The following PSEN1 variants were observed in gnomAD, a reference collection of about 807,000 sequenced individuals.
PSEN1 encodes the protein presenilin-1.
PSEN1 carries 15 observed loss-of-function variants against 53.5 expected under a neutral mutation model. The observed-to-expected ratio is 0.28, with a 90% CI of 0.19 to 0.43. PSEN1 has a LOEUF of 0.43. Ranked by LOEUF, PSEN1 falls within the 20% of genes least tolerant of loss-of-function variation. The probability of loss-of-function intolerance (pLI) is 1.00; values close to 1 mark genes in which losing one functional copy is unlikely to be tolerated. For missense variants in PSEN1, 387 were observed against 571.2 expected (o/e 0.68, Z 3.29); for synonymous variants, 208 against 209.8 (o/e 0.99, Z 0.08).
intron 3 of PSEN1, among the ~76,000 whole-genome samples, chr14:73,165,972 C>T (rs1490644782): frequency 6.6e-6 from 1 of 151,966 alleles, no homozygotes; most frequent in African/African-American, 2.4e-5. Flanking sequence ...GGGAGAATTG[C>T]TTGAACCTGA....
At chr14:73,150,868 C>A (rs1339405292) in intron 3 of PSEN1, among the ~76,000 whole-genome samples, 1 of 151,236 alleles carries the variant, frequency 6.6e-6, no homozygotes, top group East Asian at 2.0e-4. Context: ...AAGAGACAGA[C>A]CATCCTGGTC....
At chr14:73,138,543 GAGC>G (rs1363801306) in intron 1 of PSEN1, among the ~76,000 whole-genome samples, 5 of 150,142 alleles carry the variant, frequency 3.3e-5, no homozygotes, top group Non-Finnish European at 7.4e-5. Context: ...TTAGAGATGG[GAGC>G]CTCACTATGT....
At position 73,208,905 on chromosome 14, in the gene PSEN1, G is replaced by A. The variant is rs371435042; in HGVS notation, c.955+2433G>A. ...AGGCTGTTCATGCCAAAGGGTGCCT[G>A]CAGGCCCACGGTAAGCTGCCTTCAG... On this transcript the variant is annotated intron_variant, in intron 9 of 11. Coordinates refer to ENST00000324501, the MANE Select transcript of PSEN1 (RefSeq NM_000021.4). The A allele has an allele frequency of 1.1e-4, 52 of 454,740 alleles. No homozygotes were observed. In the East Asian group the frequency reaches 3.1e-3, roughly 27 times the overall value. 28.2% of individuals were successfully genotyped at this position (454,740 alleles called of 1,614,324 possible).
At chr14:73,138,028 T>A (rs1896796593) in intron 1 of PSEN1, 2 of 149,834 alleles carry the variant, frequency 1.3e-5, no homozygotes, top group Admixed American at 6.7e-5. Context: ...GCCAAGATTA[T>A]GCCACTGCAC....
At chr14:73,185,845 G>A (rs909603561) in intron 5 of PSEN1, among the ~76,000 whole-genome samples, 5 of 151,600 alleles carry the variant, frequency 3.3e-5, no homozygotes, top group African/African-American at 9.7e-5. Context: ...CACTGCGCCC[G>A]ATCTCTCAGT....
intron 6 of PSEN1, 113 bp downstream of exon 6, chr14:73,187,033 T>G (rs1038402849): frequency 1.4e-5 from 12 of 878,504 alleles, no homozygotes; most frequent in Non-Finnish European, 1.9e-5. Context: ...TTTAATTGTT[T>G]CCACATATAG....
chr14:73,184,666 C>T (rs1255343987), intron 5 of PSEN1, among the ~76,000 whole-genome samples: 3 of 149,036 alleles, frequency 2.0e-5, no homozygotes, highest in African/African-American at 7.4e-5. Flanking sequence ...ACCTCCCTCC[C>T]GGACGGAGCG....
chr14:73,197,879 T>C (rs2140104606), intron 7 of PSEN1, 152 bp from the exon 8 acceptor site: 2 of 588,094 alleles, frequency 3.4e-6, no homozygotes, highest in Non-Finnish European at 6.2e-6. Flanking sequence ...CCAGTTCACC[T>C]GCCATTTATT....
intron 3 of PSEN1, among the ~76,000 whole-genome samples, chr14:73,150,199 T>G (rs1329425117): frequency 6.6e-6 from 1 of 152,210 alleles, no homozygotes; most frequent in Non-Finnish European, 1.5e-5. Context: ...TTGATAAGCT[T>G]TTTTTGCTTC....
chr14:73,150,812 G>A (rs1296068412), intron 3 of PSEN1, among the ~76,000 whole-genome samples: 3 of 139,454 alleles, frequency 2.2e-5, no homozygotes, highest in Non-Finnish European at 4.6e-5. Context: ...GCTCACGCCT[G>A]TAATCCCAAC....
At chr14:73,186,783 GAA>G in intron 5 of PSEN1, 68 bp from the exon 6 acceptor site, 7 of 1,305,072 alleles carry the variant, frequency 5.4e-6, no homozygotes, top group Non-Finnish European at 6.6e-6. Flanking sequence ...TCTCAAAAAA[GAA>G]AAAAAAAATC....
At chr14:73,172,563 T>C (rs1897923618) in intron 4 of PSEN1, among the ~76,000 whole-genome samples, 1 of 152,248 alleles carries the variant, frequency 6.6e-6, no homozygotes. Context: ...CCACGCTCCT[T>C]GGTTTATACA....
At chr14:73,140,614 ATAAT>A (rs780973605) in intron 1 of PSEN1, among the ~76,000 whole-genome samples, 36 of 152,144 alleles carry the variant, frequency 2.4e-4, no homozygotes, top group Admixed American at 6.6e-5. Flanking sequence ...CTATAGCTTA[ATAAT>A]TTGTTTGCTT....
At position 73,211,889 on chromosome 14, in the gene PSEN1, C is replaced by G; in HGVS notation, c.1076C>G (p.Ala359Gly). The G allele has an allele frequency of 6.2e-7, 1 of 1,613,974 alleles. No homozygotes were observed. The highest frequency in any genetic ancestry group is 8.5e-7 in the Non-Finnish European group (1 of 1,180,014). The change falls in exon 10 of 12, where the codon GCT (alanine) becomes GGT (glycine). Residue 359 changes from alanine (A) to glycine (G), a missense_variant. Ala to Gly is a moderately conservative substitution (Grantham distance 60, BLOSUM62 0). Transcript: ENST00000324501. ...GPHRSTPESR[A>G]AVQELSSSIL... ...CATCGCTCTACACCTGAGTCACGAG[C>G]TGCTGTCCAGGAACTTTCCAGCAGT...
chr14:73,213,861 C>T (rs1278512159), intron 10 of PSEN1, among the ~76,000 whole-genome samples: 2 of 152,070 alleles, frequency 1.3e-5, no homozygotes, highest in African/African-American at 2.4e-5. Flanking sequence ...GGTGAGGATG[C>T]GAAGAAACTG....
chr14:73,176,595 A>T (rs1272977610), intron 5 of PSEN1, among the ~76,000 whole-genome samples: 1 of 152,256 alleles, frequency 6.6e-6, no homozygotes, highest in Non-Finnish European at 1.5e-5. Flanking sequence ...ATTTTCACAC[A>T]TAAAAGAGAA....
intron 3 of PSEN1, among the ~76,000 whole-genome samples, chr14:73,166,261 G>T (rs897504446): frequency 9.9e-5 from 15 of 152,198 alleles, no homozygotes; most frequent in African/African-American, 3.6e-4. Flanking sequence ...GCATATGATT[G>T]CCCCTTTCAT....
At position 73,222,631 on chromosome 14, in the gene PSEN1, T is replaced by C. The variant is rs1900139425; in HGVS notation, c.*3342T>C. Reference sequence around the variant, plus strand: ...TCCCGTAGGTTCTGGAGTCTGAGGATGCAAAGATGAATAAGATAAATTCTC... The same window carrying C: ...TCCCGTAGGTTCTGGAGTCTGAGGACGCAAAGATGAATAAGATAAATTCTC... On this transcript the variant is annotated 3_prime_UTR_variant, in exon 12 of 12. Coordinates refer to ENST00000324501, the MANE Select transcript of PSEN1 (RefSeq NM_000021.4). 1 of 152,258 alleles carries C rather than the reference T, an allele frequency of 6.6e-6. No homozygotes were observed. Among genetic ancestry groups the C allele is most frequent in the South Asian group, 2.1e-4 (1 of 4,834 alleles). The allele number at this position is 152,258 out of a possible 1,614,324, so 9.4% of individuals were successfully genotyped here.
At chr14:73,204,528 T>TAA (rs34528538) in intron 8 of PSEN1, among the ~76,000 whole-genome samples, 2,300 of 138,354 alleles carry the variant, frequency 0.017, 44 homozygotes, top group East Asian at 0.049. Context: ...TTTTTACATT[T>TAA]AAAAAAAAAA....
Sources: allele counts gnomAD v4.1 joint callset (sites outside exome capture counted in the v4.1 genomes callset), GRCh38; gene constraint gnomAD v4.1.1; transcripts MANE v1.5; gene names NCBI Gene and HGNC (gene_info 2026-07-23, HGNC 2026-07-21).